Variants in BMP7 observed in about 807,000 individuals in gnomAD.
BMP7 encodes bone morphogenetic protein 7.
BMP7 carries 12 observed loss-of-function variants against 41.2 expected under a neutral mutation model. The observed-to-expected ratio is 0.29, with a 90% CI of 0.19 to 0.47. BMP7 has a LOEUF of 0.47. BMP7 is among the 20% of genes least tolerant of loss of function. The probability of loss-of-function intolerance (pLI) is 0.99; values close to 1 mark genes in which losing one functional copy is unlikely to be tolerated. For synonymous variants in BMP7, 248 were observed against 250.0 expected (o/e 0.99, Z 0.07); for missense variants, 467 against 606.0 (o/e 0.77, Z 2.41).
intron 2 of BMP7, among the ~76,000 whole-genome samples, chr20:57,209,249 T>TTATATATATATATATA (rs57062226): frequency 1.7e-4 from 16 of 94,868 alleles, no homozygotes; most frequent in Admixed American, 4.1e-4. Context: ...TTATATATTT[T>TTATATATATATATATA]TATATATATA....
intron 1 of BMP7, among the ~76,000 whole-genome samples, chr20:57,250,883 GT>G (rs1216041976): frequency 3.9e-5 from 6 of 152,220 alleles, no homozygotes; most frequent in African/African-American, 1.4e-4. Flanking sequence ...TGTTTTGCCT[GT>G]GTCCAGTCGA....
chr20:57,262,357 G>A (rs2066157584), intron 1 of BMP7, among the ~76,000 whole-genome samples: 1 of 152,216 alleles, frequency 6.6e-6, no homozygotes, highest in Non-Finnish European at 1.5e-5. Context: ...GAAGATGGGA[G>A]TCTCACTCAG....
At position 57,192,441 on chromosome 20, in the gene BMP7, G is replaced by T. The variant is rs185294297; in HGVS notation, c.761-8522C>A. ...AATACCCCAGGAAGGGCTGAGAAAG[G>T]TTATTTTGCAGGAGAACAATTCCTT... On this transcript the variant is annotated intron_variant, in intron 3 of 6. Coordinates refer to ENST00000395863, the MANE Select transcript of BMP7 (RefSeq NM_001719.3). Among the ~76,000 whole-genome samples the T allele has an allele frequency of 2.9e-3, 443 of 151,070 alleles. 2 individuals are homozygous for T. The highest frequency in any genetic ancestry group is 8.8e-3 in the African/African-American group (360 of 41,114).
At chr20:57,233,872 TA>T (rs2066037869) in intron 1 of BMP7, among the ~76,000 whole-genome samples, 1 of 152,194 alleles carries the variant, frequency 6.6e-6, no homozygotes, top group Non-Finnish European at 1.5e-5. Flanking sequence ...AACCCAAATA[TA>T]TGCATATGTA....
Position 57,224,323 on chromosome 20 carries a change from G to A in BMP7, c.611+3906C>T, listed in dbSNP as rs1041945684. Among the ~76,000 whole-genome samples, 1 of 152,168 alleles carries A rather than the reference G, an allele frequency of 6.6e-6. No homozygotes were observed. Among genetic ancestry groups the A allele is most frequent in the Non-Finnish European group, 1.5e-5 (1 of 68,034 alleles). On this transcript the variant is annotated intron_variant, in intron 2 of 6. Transcript: ENST00000395863. This position sits in a 1 kb window ranked among gnomAD's most constrained non-coding sequence, Gnocchi z 4.8. ...TTCATCCAGCTGCCAACATCATCTC[G>A]ACCTTGGTGGCGGCCGACTCCCTTG...
At chr20:57,237,681 C>T (rs2066052982) in intron 1 of BMP7, among the ~76,000 whole-genome samples, 1 of 152,232 alleles carries the variant, frequency 6.6e-6, no homozygotes, top group African/African-American at 2.4e-5. Context: ...CTGACACACA[C>T]AGCTCTTGGG....
Position 57,171,048 on chromosome 20 carries a change from C to T in BMP7, c.1207G>A (p.Ala403Thr). The part of the protein sequence containing the change: ...KPCCAPTQLN[A>T]ISVLYFDDSS... ...TCATCGAAGTAGAGGACGGAGATGG[C>T]ATTGAGCTGCGTGGGCGCACAGCAG... Residue 403 changes from alanine (A) to threonine (T), a missense_variant, in exon 7 of 7, where the codon GCC becomes ACC. Transcript: ENST00000395863. The surrounding 1 kb of genome is among the most constrained non-coding windows in gnomAD (Gnocchi z 4.5). 6.2e-7 allele frequency: 1 copy of T among 1,614,220 alleles called. No homozygotes were observed.
chr20:57,207,975 G>A (rs980996525), intron 2 of BMP7, among the ~76,000 whole-genome samples: 12 of 151,642 alleles, frequency 7.9e-5, no homozygotes, highest in South Asian at 2.1e-4. Flanking sequence ...GACTACAGGC[G>A]CCCGCCACCG....
At chr20:57,229,829 G>A (rs893239508) in intron 1 of BMP7, among the ~76,000 whole-genome samples, 1 of 152,212 alleles carries the variant, frequency 6.6e-6, no homozygotes, top group Non-Finnish European at 1.5e-5. Context: ...CACCATTGAG[G>A]AAGAAGTTCA....
intron 3 of BMP7, among the ~76,000 whole-genome samples, chr20:57,197,759 C>T (rs751398110): frequency 7.2e-5 from 11 of 152,228 alleles, no homozygotes; most frequent in Non-Finnish European, 1.5e-4. Context: ...TTCTTCCAGC[C>T]GCCTACAGAA....
chr20:57,222,334 AC>A (rs1568720553), intron 2 of BMP7, among the ~76,000 whole-genome samples: 1 of 152,206 alleles, frequency 6.6e-6, no homozygotes, highest in Non-Finnish European at 1.5e-5. Flanking sequence ...GCCTCAGGCC[AC>A]AGGACAGGAA....
intron 2 of BMP7, among the ~76,000 whole-genome samples, chr20:57,207,663 T>C (rs1272132158): frequency 2.0e-5 from 3 of 152,162 alleles, no homozygotes; most frequent in Non-Finnish European, 4.4e-5. Flanking sequence ...GGAAATATGA[T>C]AGGAAGGTGC....
chr20:57,179,334 C>G (rs1022915935), intron 4 of BMP7, among the ~76,000 whole-genome samples: 3 of 152,250 alleles, frequency 2.0e-5, no homozygotes, highest in Admixed American at 6.5e-5. Context: ...GGGATTCATC[C>G]ACCTCCTCAA....
chr20:57,265,046 A>AAGAAAG (rs11452344), intron 1 of BMP7, among the ~76,000 whole-genome samples: 8 of 136,798 alleles, frequency 5.8e-5, no homozygotes, highest in South Asian at 2.2e-4. Context: ...AAAAAAAAAA[A>AAGAAAG]GAAAAGAAAA....
chr20:57,265,150 A>G (rs2146035434), intron 1 of BMP7, among the ~76,000 whole-genome samples: 1 of 152,368 alleles, frequency 6.6e-6, no homozygotes. Flanking sequence ...GCCAAGAGAG[A>G]ATGGGGCATC....
intron 1 of BMP7, among the ~76,000 whole-genome samples, chr20:57,243,681 C>T (rs975870192): frequency 2.0e-5 from 3 of 152,080 alleles, no homozygotes; most frequent in Non-Finnish European, 2.9e-5. Flanking sequence ...AATTGTTAGA[C>T]GTGCCAAGTT....
chr20:57,219,125 G>C lies in BMP7; in HGVS notation c.611+9104C>G, dbSNP rs974817431. Among the ~76,000 whole-genome samples the C allele has an allele frequency of 3.3e-5, 4 of 122,210 alleles. 1 individual carries two copies. The highest frequency in any genetic ancestry group is 2.5e-4 in the African/African-American group (4 of 16,204). The allele number at this position is 122,210 out of a possible 152,430, so 80.2% of individuals were successfully genotyped here. A position where few individuals can be genotyped will look rare whatever the true frequency, so the allele number is the denominator to read the frequency against. Reference sequence around the variant, plus strand: ...TTTGGTGGTAGCTGGTGTTTGTTCGGTGGTAGCTGTTCGGTGGTAGCTGGT... The same window carrying C: ...TTTGGTGGTAGCTGGTGTTTGTTCGCTGGTAGCTGTTCGGTGGTAGCTGGT... On this transcript the variant is annotated intron_variant, in intron 2 of 6. Transcript: ENST00000395863.
rs758242325 is a variant in BMP7 at position 57,228,866 on chromosome 20, G to A, written c.419-445C>T. On this transcript the variant is annotated intron_variant, in intron 1 of 6. Transcript: ENST00000395863. This position sits in a 1 kb window ranked among gnomAD's most constrained non-coding sequence, Gnocchi z 4.5. ...TCCTCCTTCATGGGTTATGGTCAGGGTTGAATGATCTCATTCACACAAATA... is the reference window on the plus strand; with the variant it reads ...TCCTCCTTCATGGGTTATGGTCAGGATTGAATGATCTCATTCACACAAATA... Among the ~76,000 whole-genome samples the A allele has an allele frequency of 6.6e-6, 1 of 152,220 alleles. No individual in the cohort carries two copies. Among genetic ancestry groups the A allele is most frequent in the Non-Finnish European group, 1.5e-5 (1 of 68,034 alleles).
intron 3 of BMP7, among the ~76,000 whole-genome samples, chr20:57,188,874 G>A (rs1984283654): frequency 6.6e-6 from 1 of 152,228 alleles, no homozygotes; most frequent in African/African-American, 2.4e-5. Context: ...AGGCCTTTGA[G>A]CTGGTCCACG....
Sources: gnomAD v4.1 joint callset for allele counts (sites outside exome capture counted in the v4.1 genomes callset) on GRCh38, gnomAD v4.1.1 for gene constraint, Gnocchi (gnomAD v3.1) non-coding constraint, MANE v1.5 for transcripts, NCBI Gene and HGNC (gene_info 2026-07-23, HGNC 2026-07-21) for gene names.